Variants in KCNT2 observed in about 807,000 individuals in gnomAD.
The protein encoded by KCNT2 is potassium channel subfamily T member 2.
Under a neutral mutation model 153.8 loss-of-function variants are expected in KCNT2, and 67 were observed. The ratio of observed to expected loss-of-function variants is 0.44; its 90% CI spans 0.36 to 0.53. The LOEUF (loss-of-function observed/expected upper bound fraction) is 0.53. Ranked by LOEUF, KCNT2 falls within the 20% of genes least tolerant of loss-of-function variation. KCNT2 has a pLI of 0.00. For synonymous variants in KCNT2, 500 were observed against 458.8 expected, an observed-to-expected ratio of 1.09 and a Z score of -1.15; for missense variants, 975 against 1,354.8, an observed-to-expected ratio of 0.72 and a Z score of 4.40.
intron 5 of KCNT2, among the ~76,000 whole-genome samples, chr1:196,472,004 T>A (rs1348712656): frequency 6.6e-6 from 1 of 152,184 alleles, no homozygotes; most frequent in East Asian, 1.9e-4. Flanking sequence ...CCACACTGAA[T>A]TTTATATCCA....
In KCNT2 at chr1:196,398,545, T is replaced by C. The variant is rs1572306202; in HGVS notation, c.1294+18A>G. 7.3e-7 allele frequency: 1 copy of C among 1,370,514 alleles called. No individual in the cohort carries two copies. Among genetic ancestry groups the C allele is most frequent in the South Asian group, 1.2e-5 (1 of 85,166 alleles). The allele number at this position is 1,370,514 out of a possible 1,614,324, so 84.9% of individuals were successfully genotyped here. On this transcript the variant is annotated intron_variant, in intron 13 of 27. Transcript: ENST00000294725. The stretch of plus-strand genomic sequence containing the variant: ...GTTTCAGGAAATTCAATGGATCTCA[T>C]GCAAGATAAAAACTTACCAGCAAAT...
intron 22 of KCNT2, among the ~76,000 whole-genome samples, chr1:196,286,309 T>C (rs1659652889): frequency 6.6e-6 from 1 of 152,048 alleles, no homozygotes; most frequent in African/African-American, 2.4e-5. Flanking sequence ...TGCAATTGCC[T>C]TTTTAAAAAA....
chr1:196,384,343 CA>C (rs970828937), intron 13 of KCNT2, among the ~76,000 whole-genome samples: 2 of 151,954 alleles, frequency 1.3e-5, no homozygotes, highest in African/African-American at 4.8e-5. Flanking sequence ...CTTCCCTTAC[CA>C]ATGAGGAAAG....
chr1:196,562,088 A>C (rs1159514456), intron 1 of KCNT2, among the ~76,000 whole-genome samples: 2 of 151,924 alleles, frequency 1.3e-5, no homozygotes, highest in African/African-American at 4.8e-5. Context: ...GCCCTTAGTT[A>C]ATTCTCTCCT....
chr1:196,249,715 T>A (rs1378006658), intron 26 of KCNT2, among the ~76,000 whole-genome samples: 3 of 151,460 alleles, frequency 2.0e-5, no homozygotes, highest in Non-Finnish European at 4.4e-5. Context: ...GAAGGTTACG[T>A]AGTGAGCTGA....
chr1:196,313,274 A>G (rs1274223243), intron 21 of KCNT2, among the ~76,000 whole-genome samples: 1 of 151,674 alleles, frequency 6.6e-6, no homozygotes, highest in African/African-American at 2.4e-5. Context: ...GAGTAGCACT[A>G]CTCAGAGTGT....
At chr1:196,478,018 C>T (rs557197169) in intron 5 of KCNT2, among the ~76,000 whole-genome samples, 2 of 152,288 alleles carry the variant, frequency 1.3e-5, no homozygotes, top group African/African-American at 4.8e-5. Context: ...AAACTAATTC[C>T]ATTATTTAAT....
At chr1:196,309,576 A>G (rs1429767691) in intron 21 of KCNT2, among the ~76,000 whole-genome samples, 1 of 151,946 alleles carries the variant, frequency 6.6e-6, no homozygotes, top group Non-Finnish European at 1.5e-5. Context: ...TGAAAGTATT[A>G]GCTAAGCCTG....
intron 18 of KCNT2, among the ~76,000 whole-genome samples, chr1:196,330,737 T>G (rs892430991): frequency 6.6e-6 from 1 of 152,008 alleles, no homozygotes. Context: ...ACTTTAGTCA[T>G]AAATGAATCT....
intron 1 of KCNT2, among the ~76,000 whole-genome samples, chr1:196,494,686 A>G (rs1183607935): frequency 6.6e-6 from 1 of 152,190 alleles, no homozygotes; most frequent in African/African-American, 2.4e-5. Flanking sequence ...GCCTTAACAA[A>G]AATAATGAGG....
intron 16 of KCNT2, among the ~76,000 whole-genome samples, chr1:196,337,807 T>G (rs965002186): frequency 6.6e-6 from 1 of 152,158 alleles, no homozygotes; most frequent in Non-Finnish European, 1.5e-5. Context: ...GTTTTCTTCT[T>G]TTAGTTTTTC....
chr1:196,391,875 T>C lies in KCNT2; in HGVS notation c.1294+6688A>G, dbSNP rs569935252. The stretch of plus-strand genomic sequence containing the variant: ...TCTAAAACTATTGCATAAAAATTTT[T>C]ACAAAGAAATAAAAAACATAAATGT... On this transcript the variant is annotated intron_variant, in intron 13 of 27. Transcript: ENST00000294725. Among the ~76,000 whole-genome samples, 4 of 151,486 alleles carry C rather than the reference T, an allele frequency of 2.6e-5. No homozygotes were observed. In the South Asian group the frequency reaches 8.3e-4, roughly 31 times the overall value.
At chr1:196,248,034 A>C (rs1655610127) in intron 26 of KCNT2, among the ~76,000 whole-genome samples, 1 of 152,198 alleles carries the variant, frequency 6.6e-6, no homozygotes, top group African/African-American at 2.4e-5. Flanking sequence ...TAAACAGTAT[A>C]ATCTTGAATG....
intron 5 of KCNT2, among the ~76,000 whole-genome samples, chr1:196,477,736 T>C (rs1678664563): frequency 6.6e-6 from 1 of 152,226 alleles, no homozygotes; most frequent in Non-Finnish European, 1.5e-5. Context: ...TGACTTTCTA[T>C]CTTTTCTAAC....
At chr1:196,229,398 T>G (rs529347235) in intron 27 of KCNT2, among the ~76,000 whole-genome samples, 5 of 152,050 alleles carry the variant, frequency 3.3e-5, no homozygotes, top group Non-Finnish European at 7.4e-5. Flanking sequence ...ATAAAATATG[T>G]GTGTTCTGAT....
At chr1:196,308,684 T>C (rs1010051686) in intron 21 of KCNT2, among the ~76,000 whole-genome samples, 1 of 151,996 alleles carries the variant, frequency 6.6e-6, no homozygotes, top group African/African-American at 2.4e-5. Context: ...CAAAATAGTA[T>C]GTTCAAGGTA....
chr1:196,357,508 C>G (rs1045773463), intron 14 of KCNT2, among the ~76,000 whole-genome samples: 1 of 151,888 alleles, frequency 6.6e-6, no homozygotes, highest in African/African-American at 2.4e-5. Flanking sequence ...CCTGACTTTT[C>G]TAATTTGGAC....
intron 3 of KCNT2, among the ~76,000 whole-genome samples, chr1:196,487,087 G>C (rs1174984963): frequency 6.6e-6 from 1 of 151,918 alleles, no homozygotes; most frequent in East Asian, 1.9e-4. Flanking sequence ...AGCTGTCACA[G>C]AGTTGGCTCT....
intron 18 of KCNT2, among the ~76,000 whole-genome samples, chr1:196,327,643 T>C (rs937604616): frequency 2.0e-5 from 3 of 151,748 alleles, no homozygotes; most frequent in Non-Finnish European, 4.4e-5. Flanking sequence ...GTCTGGAACA[T>C]TTATCACCTC....
Sources: allele counts gnomAD v4.1 joint callset (sites outside exome capture counted in the v4.1 genomes callset), GRCh38; gene constraint gnomAD v4.1.1; transcripts MANE v1.5; gene names NCBI Gene and HGNC (gene_info 2026-07-23, HGNC 2026-07-21).